Variants in PDE4D observed in about 807,000 individuals in gnomAD.
PDE4D encodes phosphodiesterase 4D, also known as 3',5'-cyclic-AMP phosphodiesterase 4D.
A neutral mutation model predicts 87.4 loss-of-function variants in PDE4D; 24 were observed. The observed-to-expected ratio is 0.27, with a 90% CI of 0.20 to 0.39. The LOEUF (loss-of-function observed/expected upper bound fraction) is 0.39, where lower values mean the gene tolerates loss of function less well. Ranked by LOEUF, PDE4D falls within the 10% of genes least tolerant of loss-of-function variation. PDE4D has a pLI of 1.00. For synonymous variants in PDE4D, 384 were observed against 383.2 expected, an observed-to-expected ratio of 1.00 and a Z score of -0.02; for missense variants, 714 against 1,041.0, an observed-to-expected ratio of 0.69 and a Z score of 4.32.
intron 5 of PDE4D, among the ~76,000 whole-genome samples, chr5:59,129,185 G>GAGTT (rs1775926500): frequency 6.6e-6 from 1 of 152,170 alleles, no homozygotes; most frequent in South Asian, 2.1e-4. Flanking sequence ...TGTTTTCAGT[G>GAGTT]AGTTTCACAA....
rs552650491 is a variant in PDE4D at position 59,807,371 on chromosome 5, T to C, written c.455+85797A>G. Among the ~76,000 whole-genome samples the C allele has an allele frequency of 9.1e-4, 138 of 152,286 alleles. 1 individual carries two copies. The highest frequency in any genetic ancestry group is 3.2e-3 in the African/African-American group (133 of 41,554). The stretch of plus-strand genomic sequence containing the variant: ...GCTAACAGGGCCTGTGGGGTCCCAT[T>C]TCCCCCATGCTTCTTCTAGAGGGCA... On this transcript the variant is annotated intron_variant, in intron 1 of 14. Transcript: ENST00000340635.
chr5:60,436,985 G>C (rs887833731), intron 1 of PDE4D, among the ~76,000 whole-genome samples: 20 of 152,006 alleles, frequency 1.3e-4, no homozygotes, highest in African/African-American at 4.8e-4. Flanking sequence ...AAATTCATAG[G>C]TTTGGAGCTA....
intron 3 of PDE4D, among the ~76,000 whole-genome samples, chr5:59,949,434 C>CAAAAAAAAAAAA (rs59654913): frequency 3.5e-5 from 2 of 57,596 alleles, no homozygotes; most frequent in Non-Finnish European, 7.3e-5. Context: ...CTCCGTCTCA[C>CAAAAAAAAAAAA]AAAAAAAAAA....
At chr5:59,784,682 C>G (rs1350415384) in intron 1 of PDE4D, among the ~76,000 whole-genome samples, 1 of 152,120 alleles carries the variant, frequency 6.6e-6, no homozygotes, top group East Asian at 1.9e-4. Flanking sequence ...AGTTTTCTAG[C>G]AATAAATTGA....
chr5:59,328,476 AT>A (rs1303979271), intron 1 of PDE4D, among the ~76,000 whole-genome samples: 1 of 152,198 alleles, frequency 6.6e-6, no homozygotes, highest in Non-Finnish European at 1.5e-5. Flanking sequence ...AACAGCCTGT[AT>A]TTAACATATA....
chr5:59,691,734 G>T (rs1273180617), intron 1 of PDE4D, among the ~76,000 whole-genome samples: 1 of 151,358 alleles, frequency 6.6e-6, no homozygotes, highest in Non-Finnish European at 1.5e-5. Flanking sequence ...AAAAAAATGG[G>T]AAAAGAGACA....
chr5:59,545,008 A>G (rs886753579), intron 1 of PDE4D, among the ~76,000 whole-genome samples: 3 of 152,206 alleles, frequency 2.0e-5, no homozygotes, highest in Non-Finnish European at 2.9e-5. Context: ...ATACATTATC[A>G]TCTTTAACCT....
At chr5:60,498,024 A>C (rs1362249908) in intron 1 of PDE4D, among the ~76,000 whole-genome samples, 1 of 152,208 alleles carries the variant, frequency 6.6e-6, no homozygotes, top group Non-Finnish European at 1.5e-5. Flanking sequence ...TCTGACTATC[A>C]GCAGTTGTTT....
At chr5:59,935,437 A>G (rs1328442090) in intron 3 of PDE4D, among the ~76,000 whole-genome samples, 1 of 152,170 alleles carries the variant, frequency 6.6e-6, no homozygotes, top group Non-Finnish European at 1.5e-5. Flanking sequence ...CATTTGATAA[A>G]AAAGGGGTAA....
intron 1 of PDE4D, among the ~76,000 whole-genome samples, chr5:60,237,945 C>T (rs1450121509): frequency 6.6e-6 from 1 of 151,792 alleles, no homozygotes; most frequent in Non-Finnish European, 1.5e-5. Context: ...TTTGAAAGCC[C>T]AGTGTATCCT....
intron 1 of PDE4D, among the ~76,000 whole-genome samples, chr5:59,265,255 G>A (rs1411748971): frequency 1.3e-5 from 2 of 151,934 alleles, no homozygotes; most frequent in African/African-American, 4.8e-5. Flanking sequence ...CTTCCTTAGA[G>A]GGTTCTCATT....
intron 5 of PDE4D, among the ~76,000 whole-genome samples, chr5:59,107,983 C>T (rs954674263): frequency 2.6e-5 from 4 of 152,198 alleles, no homozygotes; most frequent in East Asian, 1.9e-4. Flanking sequence ...CTCAGCTAAG[C>T]CCAGCCTCCA....
chr5:59,714,743 C>A (rs1262151214), intron 1 of PDE4D, among the ~76,000 whole-genome samples: 1 of 152,208 alleles, frequency 6.6e-6, no homozygotes. Flanking sequence ...TATGCATAGC[C>A]CCATCATATG....
chr5:60,042,088 G>T (rs1768583791), intron 2 of PDE4D, among the ~76,000 whole-genome samples: 1 of 152,140 alleles, frequency 6.6e-6, no homozygotes, highest in African/African-American at 2.4e-5. Flanking sequence ...ACAGCAGTCT[G>T]AAGTGGACCT....
intron 1 of PDE4D, among the ~76,000 whole-genome samples, chr5:60,407,750 G>T (rs1046536344): frequency 1.3e-5 from 2 of 151,824 alleles, no homozygotes; most frequent in Non-Finnish European, 2.9e-5. Context: ...ACCACGCTTG[G>T]CCCCTTATAT....
chr5:59,393,709 G>A (rs1161572405), intron 1 of PDE4D, among the ~76,000 whole-genome samples: 2 of 152,118 alleles, frequency 1.3e-5, no homozygotes, highest in African/African-American at 4.8e-5. Flanking sequence ...CTGGTTTTTA[G>A]GACAATAATT....
intron 3 of PDE4D, among the ~76,000 whole-genome samples, chr5:59,981,602 G>T (rs996266523): frequency 6.6e-6 from 1 of 152,088 alleles, no homozygotes; most frequent in Non-Finnish European, 1.5e-5. Flanking sequence ...ATTTTGGGAA[G>T]CTTTGCCTAG....
intron 1 of PDE4D, among the ~76,000 whole-genome samples, chr5:60,417,284 T>C (rs138355928): frequency 1.7e-3 from 257 of 152,344 alleles, no homozygotes; most frequent in African/African-American, 5.8e-3. Flanking sequence ...TGAGATTTAG[T>C]GTACCTCACC....
intron 4 of PDE4D, among the ~76,000 whole-genome samples, chr5:59,181,717 C>T (rs1213792399): frequency 6.6e-6 from 1 of 151,864 alleles, no homozygotes; most frequent in Non-Finnish European, 1.5e-5. Context: ...AAGTAAGTTT[C>T]ATTGTTCTCA....
Sources: gnomAD v4.1 joint callset for allele counts (sites outside exome capture counted in the v4.1 genomes callset) on GRCh38, gnomAD v4.1.1 for gene constraint, MANE v1.5 for transcripts, NCBI Gene and HGNC (gene_info 2026-07-23, HGNC 2026-07-21) for gene names.